Variants in LIPH observed in about 807,000 individuals in gnomAD.
LIPH encodes lipase H.
A neutral mutation model predicts 47.6 loss-of-function variants in LIPH; 32 were observed. That is an observed-to-expected ratio of 0.67 (90% CI 0.51 to 0.90). LIPH has a LOEUF of 0.90. LIPH is among the 40% of genes least tolerant of loss of function. LIPH has a pLI of 0.00. For missense variants in LIPH, 497 were observed against 541.4 expected, an observed-to-expected ratio of 0.92 and a Z score of 0.81; for synonymous variants, 190 against 195.6, an observed-to-expected ratio of 0.97 and a Z score of 0.24.
intron 9 of LIPH, 98 bp downstream of exon 9, chr3:185,511,426 T>A: frequency 7.1e-6 from 8 of 1,127,028 alleles, no homozygotes; most frequent in Non-Finnish European, 9.5e-6. Context: ...TCATTGTGAA[T>A]AATAGAGTCT....
chr3:185,530,286 C>T (rs1012885561), intron 3 of LIPH, among the ~76,000 whole-genome samples: 2 of 152,006 alleles, frequency 1.3e-5, no homozygotes, highest in Admixed American at 1.3e-4. Flanking sequence ...TGAGACCAGC[C>T]TGGCCAACAT....
At chr3:185,523,404 G>T (rs1225556034) in intron 5 of LIPH, among the ~76,000 whole-genome samples, 2 of 151,930 alleles carry the variant, frequency 1.3e-5, no homozygotes, top group Non-Finnish European at 2.9e-5. Context: ...TTAAAGATAT[G>T]CCTTTTTCTT....
chr3:185,508,682 G>A lies in LIPH; in HGVS notation c.*108C>T. ...TAGGACGCTACTGAAAAAAGCCTTG[G>A]TTTTTTTCATACTTTTTCTGCCTTG... On this transcript the variant is annotated 3_prime_UTR_variant, in exon 10 of 10. Coordinates refer to ENST00000296252, the MANE Select transcript of LIPH (RefSeq NM_139248.3). The A allele has an allele frequency of 6.0e-6, 5 of 829,344 alleles. No homozygotes were observed. The highest frequency in any genetic ancestry group is 1.0e-5 in the Non-Finnish European group (5 of 479,346). The allele number at this position is 829,344 out of a possible 1,614,324, so 51.4% of individuals were successfully genotyped here. A position where few individuals can be genotyped will look rare whatever the true frequency, so the allele number is the denominator to read the frequency against.
rs62975760 is a variant in LIPH, at chr3:185,520,872, CT to C, written c.719-1564del. 7.4e-4 allele frequency among the ~76,000 whole-genome samples: 104 copies of C among 140,990 alleles called. 1 individual carries two copies. Among genetic ancestry groups the C allele is most frequent in the Admixed American group, 6.5e-4 (9 of 13,796 alleles). The allele number at this position is 140,990 out of a possible 152,430, so 92.5% of individuals were successfully genotyped here. On this transcript the variant is annotated intron_variant, in intron 5 of 9. Transcript: ENST00000296252. ...GATCTAATCAAGTACTAGCTTCTAT[CT>C]TTTTTTTTTTTTTTGAGATGGAGTC...
intron 1 of LIPH, among the ~76,000 whole-genome samples, chr3:185,543,133 C>T (rs558620486): frequency 2.0e-5 from 3 of 152,140 alleles, no homozygotes; most frequent in South Asian, 2.1e-4. Context: ...TGCTTGAACC[C>T]GGGAGGCAGA....
At chr3:185,515,902 G>A (rs1048260251) in intron 7 of LIPH, among the ~76,000 whole-genome samples, 1 of 152,182 alleles carries the variant, frequency 6.6e-6, no homozygotes, top group African/African-American at 2.4e-5. Flanking sequence ...CACTAAGGCA[G>A]GAGGATTGCT....
intron 7 of LIPH, among the ~76,000 whole-genome samples, chr3:185,516,175 G>A (rs1251896228): frequency 6.6e-6 from 1 of 152,082 alleles, no homozygotes; most frequent in Non-Finnish European, 1.5e-5. Context: ...GCTGATGCCT[G>A]TAATCCCAGC....
chr3:185,518,693 T>G (rs923600789), intron 6 of LIPH, among the ~76,000 whole-genome samples: 1 of 152,040 alleles, frequency 6.6e-6, no homozygotes, highest in Non-Finnish European at 1.5e-5. Flanking sequence ...TTTTTTCTTT[T>G]TAAGAAATTT....
intron 8 of LIPH, 122 bp from the exon 9 acceptor site, chr3:185,511,819 C>CTTTTT (rs78253030): frequency 1.1e-5 from 6 of 551,778 alleles, no homozygotes; most frequent in Admixed American, 6.0e-5. Context: ...CACCAGCTGA[C>CTTTTT]TTTTTTTTTT....
chr3:185,548,437 C>A (rs1356028249), intron 1 of LIPH, among the ~76,000 whole-genome samples: 5 of 149,706 alleles, frequency 3.3e-5, no homozygotes. Context: ...CAAAAAAAAA[C>A]TCATCCTAGG....
At chr3:185,521,471 G>A (rs1039323614) in intron 5 of LIPH, among the ~76,000 whole-genome samples, 23 of 152,098 alleles carry the variant, frequency 1.5e-4, no homozygotes, top group Non-Finnish European at 2.9e-5. Flanking sequence ...GAGCTTCCTC[G>A]GTCTGGTACT....
rs576194035 is a variant in LIPH at position 185,512,189 on chromosome 3, G to A, written c.1095-492C>T. 1.2e-4 allele frequency among the ~76,000 whole-genome samples: 19 copies of A among 152,172 alleles called. 1 individual carries two copies. Among genetic ancestry groups the A allele is most frequent in the South Asian group, 1.2e-3 (6 of 4,822 alleles). ...CTGAGTTCAAAGTTATGATCTTTCC[G>A]TTAAACTGCATCCCTAGATGCCTAA... On this transcript the variant is annotated intron_variant, in intron 8 of 9. Coordinates refer to ENST00000296252, the MANE Select transcript of LIPH (RefSeq NM_139248.3).
intron 1 of LIPH, among the ~76,000 whole-genome samples, chr3:185,539,328 T>C (rs1720628603): frequency 6.6e-6 from 1 of 151,992 alleles, no homozygotes; most frequent in African/African-American, 2.4e-5. Context: ...ACTGTGTCTT[T>C]ATCCTTTTCA....
chr3:185,510,469 T>A (rs1719526391), intron 9 of LIPH, among the ~76,000 whole-genome samples: 2 of 152,234 alleles, frequency 1.3e-5, no homozygotes, highest in Non-Finnish European at 2.9e-5. Flanking sequence ...ACATACATTG[T>A]TTATTTTTTC....
intron 9 of LIPH, among the ~76,000 whole-genome samples, chr3:185,510,320 C>T (rs929284356): frequency 6.6e-6 from 1 of 152,132 alleles, no homozygotes; most frequent in Non-Finnish European, 1.5e-5. Flanking sequence ...CCTCTCTGTC[C>T]ACAGGTTAGA....
Position 185,552,565 on chromosome 3 carries a change from G to T in LIPH, c.-94C>A. ...CACTGTGGGATTTTGCTCACAGTGA[G>T]CTCAGACGACTCAGAGGTGTGGTGA... On this transcript the variant is annotated 5_prime_UTR_variant, in exon 1 of 10. Transcript: ENST00000296252. 3.4e-6 allele frequency: 3 copies of T among 887,960 alleles called. No homozygotes were observed. Among genetic ancestry groups the T allele is most frequent in the Admixed American group, 3.5e-5 (2 of 56,716 alleles). 55.0% of individuals were successfully genotyped at this position (887,960 alleles called of 1,614,324 possible). A position where few individuals can be genotyped will look rare whatever the true frequency, so the allele number is the denominator to read the frequency against.
Position 185,552,561 on chromosome 3 carries a change from G to T in LIPH, c.-90C>A. On this transcript the variant is annotated 5_prime_UTR_variant, in exon 1 of 10. In the 5' UTR this introduces an upstream ATG that the reference lacks. Coordinates refer to ENST00000296252, the MANE Select transcript of LIPH (RefSeq NM_139248.3). ...TTTCCACTGTGGGATTTTGCTCACA[G>T]TGAGCTCAGACGACTCAGAGGTGTG... 1.1e-6 allele frequency: 1 copy of T among 939,286 alleles called. No homozygotes were observed. Among genetic ancestry groups the T allele is most frequent in the Non-Finnish European group, 1.8e-6 (1 of 568,314 alleles). 58.2% of individuals were successfully genotyped at this position (939,286 alleles called of 1,614,324 possible).
At chr3:185,515,447 G>A (rs1034469058) in intron 7 of LIPH, among the ~76,000 whole-genome samples, 1 of 152,100 alleles carries the variant, frequency 6.6e-6, no homozygotes, top group African/African-American at 2.4e-5. Flanking sequence ...ATACAGACCA[G>A]GTAGGTGCCA....
At chr3:185,512,893 ACTAAT>A (rs1220316066) in intron 8 of LIPH, among the ~76,000 whole-genome samples, 2 of 152,144 alleles carry the variant, frequency 1.3e-5, no homozygotes, top group Admixed American at 6.5e-5. Context: ...CACAAATAAA[ACTAAT>A]CTAAGAGGTG....
Sources: gnomAD v4.1 joint callset for allele counts (sites outside exome capture counted in the v4.1 genomes callset) on GRCh38, gnomAD v4.1.1 for gene constraint, MANE v1.5 for transcripts, NCBI Gene and HGNC (gene_info 2026-07-23, HGNC 2026-07-21) for gene names.